Variants in TNK2 observed in about 807,000 individuals in gnomAD.
TNK2 encodes activated CDC42 kinase 1.
Under a neutral mutation model 101.8 loss-of-function variants are expected in TNK2, and 83 were observed. The observed-to-expected ratio is 0.82, with a 90% CI of 0.68 to 0.98. The LOEUF is 0.98. Ranked by LOEUF, TNK2 falls within the 50% of genes least tolerant of loss-of-function variation. The probability of loss-of-function intolerance (pLI) is 0.00; values close to 1 mark genes in which losing one functional copy is unlikely to be tolerated. For synonymous variants in TNK2, 804 were observed against 633.0 expected (o/e 1.27, Z -4.06); for missense variants, 1,665 against 1,483.2 (o/e 1.12, Z -2.01).
intron 1 of TNK2, among the ~76,000 whole-genome samples, chr3:195,903,083 A>G (rs916381475): frequency 2.7e-4 from 33 of 123,266 alleles, no homozygotes; most frequent in Non-Finnish European, 6.7e-5. Context: ...CTTTTGTGAC[A>G]GAGTCGGAAT....
In TNK2 at chr3:195,878,617, T is replaced by C. The variant is rs116164316; in HGVS notation, c.1015-25A>G. The stretch of plus-strand genomic sequence containing the variant: ...TCTGAAGGTGAGGAGGTGCAGAGTT[T>C]GACGACAAACAGAGCGCCCAGCCCT... On this transcript the variant is annotated intron_variant, in intron 7 of 15. Coordinates refer to ENST00000672887, the MANE Select transcript of TNK2 (RefSeq NM_001382273.1). The surrounding 1 kb of genome is among the most constrained non-coding windows in gnomAD (Gnocchi z 4.7). The C allele has an allele frequency of 5.0e-3, 7,990 of 1,604,800 alleles. 47 individuals carry two copies. The highest frequency in any genetic ancestry group is 0.01 in the South Asian group (912 of 90,906).
rs1026826869 is a variant in TNK2 at position 195,878,922 on chromosome 3, G to C, written c.1014+127C>G. The C allele has an allele frequency of 4.2e-6, 6 of 1,427,294 alleles. 1 individual carries two copies. The Admixed American group carries it at 5.5e-5, about 13-fold the overall frequency. The allele number at this position is 1,427,294 out of a possible 1,614,324, so 88.4% of individuals were successfully genotyped here. ...GGGCGTGGTGGGAGGCACGGGAAGT[G>C]GGGGGAGGCACGGGGCGTGGGAGGA... On this transcript the variant is annotated intron_variant, in intron 7 of 15. Coordinates refer to ENST00000672887, the MANE Select transcript of TNK2 (RefSeq NM_001382273.1). This position sits in a 1 kb window ranked among gnomAD's most constrained non-coding sequence, Gnocchi z 4.7.
At position 195,891,887 on chromosome 3, in the gene TNK2, C is replaced by T. The variant is rs1758623488; in HGVS notation, c.-18-3281G>A. ...GAAAGCACAGCCCGGCCTGTTCCCT[C>T]TCCCTGAAACACCAGCTAATGCACC... is the stretch of plus-strand genomic sequence containing the variant. On this transcript the variant is annotated intron_variant, in intron 1 of 15. Coordinates refer to ENST00000672887, the MANE Select transcript of TNK2 (RefSeq NM_001382273.1). The T allele has an allele frequency of 4.1e-6, 4 of 984,044 alleles. No individual in the cohort carries two copies. In the African/African-American group the frequency reaches 5.2e-5, roughly 13 times the overall value. The allele number at this position is 984,044 out of a possible 1,614,324, so 61.0% of individuals were successfully genotyped here.
intron 1 of TNK2, among the ~76,000 whole-genome samples, chr3:195,891,517 A>G (rs1577101350): frequency 6.6e-6 from 1 of 152,264 alleles, no homozygotes; most frequent in South Asian, 2.1e-4. Flanking sequence ...TTACAAAACA[A>G]GAGGCGTGGG....
intron 1 of TNK2, among the ~76,000 whole-genome samples, chr3:195,906,244 C>CA (rs1188476648): frequency 6.6e-6 from 1 of 152,130 alleles, no homozygotes; most frequent in African/African-American, 2.4e-5. Context: ...AATGTACAAC[C>CA]ACTTTGGAAA....
chr3:195,896,012 C>CCCGCAACG, intron 1 of TNK2: 1 of 395,596 alleles, frequency 2.5e-6, no homozygotes, highest in Non-Finnish European at 5.0e-6. Flanking sequence ...GCGCGCCACT[C>CCCGCAACG]CCGCAACGCC....
At chr3:195,896,954 A>AT (rs1273036892) in intron 1 of TNK2, among the ~76,000 whole-genome samples, 1 of 152,130 alleles carries the variant, frequency 6.6e-6, no homozygotes, top group Non-Finnish European at 1.5e-5. Context: ...GGCCAAGAGG[A>AT]TTTTTCCAAA....
At chr3:195,898,813 G>A (rs1252438986) in intron 1 of TNK2, among the ~76,000 whole-genome samples, 2 of 152,144 alleles carry the variant, frequency 1.3e-5, no homozygotes, top group African/African-American at 2.4e-5. Context: ...TAATGTCTGC[G>A]GCTGGGCCCG....
At chr3:195,879,198 A>G (rs776934405) in intron 6 of TNK2, 23 bp from the exon 7 acceptor site, 1 of 1,612,078 alleles carries the variant, frequency 6.2e-7, no homozygotes, top group South Asian at 1.1e-5. Flanking sequence ...GGGGTCAAAG[A>G]GAAGCCCTCT....
At chr3:195,892,399 C>T (rs1332438289) in intron 1 of TNK2, 1 of 1,527,254 alleles carries the variant, frequency 6.5e-7, no homozygotes, top group Admixed American at 2.0e-5. Flanking sequence ...CCAGCCCCTG[C>T]CCCCCACTCA....
At position 195,864,300 on chromosome 3, in the gene TNK2, G is replaced by A. The variant is rs77750212; in HGVS notation, c.3162-113C>T. The A allele has an allele frequency of 4.5e-3, 5,225 of 1,168,974 alleles. 16 individuals are homozygous for A. Among genetic ancestry groups the A allele is most frequent in the Non-Finnish European group, 4.8e-3 (3,851 of 796,120 alleles). 72.4% of individuals were successfully genotyped at this position (1,168,974 alleles called of 1,614,324 possible). A position where few individuals can be genotyped will look rare whatever the true frequency, so the allele number is the denominator to read the frequency against. The stretch of plus-strand genomic sequence containing the variant: ...ACACCACTGGAAGCTGGCAGTCCCC[G>A]GCAAGGACTGTAAAATTTATCATCC... On this transcript the variant is annotated intron_variant, in intron 15 of 15. Transcript: ENST00000672887.
chr3:195,879,423 T>C, intron 6 of TNK2: 2 of 413,728 alleles, frequency 4.8e-6, no homozygotes, highest in Non-Finnish European at 4.3e-6. Context: ...AAAGGAAGTT[T>C]CCCAGCCAGA....
In TNK2 at chr3:195,888,634, A is replaced by G; in HGVS notation, c.-18-28T>C. On this transcript the variant is annotated intron_variant, in intron 1 of 15. Transcript: ENST00000672887. This position sits in a 1 kb window ranked among gnomAD's most constrained non-coding sequence, Gnocchi z 5.3. ...GTGGGGGGAGGAGTGGCTCAGGGAC[A>G]AGGGTTGTGGGGGGACAACAGGGGC... 1 of 1,590,676 alleles carries G rather than the reference A, an allele frequency of 6.3e-7. No homozygotes were observed. Among genetic ancestry groups the G allele is most frequent in the Non-Finnish European group, 8.6e-7 (1 of 1,169,276 alleles).
At chr3:195,865,082 G>A (rs1182193538) in intron 15 of TNK2, among the ~76,000 whole-genome samples, 7 of 124,768 alleles carry the variant, frequency 5.6e-5, no homozygotes, top group Admixed American at 1.6e-4. Context: ...GAGTGCCTGC[G>A]TCCCAGGTGC....
intron 9 of TNK2, among the ~76,000 whole-genome samples, chr3:195,874,533 C>T (rs1747805376): frequency 6.7e-6 from 1 of 149,762 alleles, no homozygotes; most frequent in Non-Finnish European, 1.5e-5. Flanking sequence ...GCACAAGAAA[C>T]TCCCCCTCGG....
chr3:195,876,304 G>C (rs1749208818), intron 9 of TNK2: 1 of 416,256 alleles, frequency 2.4e-6, no homozygotes, highest in Non-Finnish European at 4.8e-6. Flanking sequence ...AGCTGCGGCA[G>C]GTGGCCTCCC....
At chr3:195,879,972 G>A (rs1316361350) in intron 6 of TNK2, among the ~76,000 whole-genome samples, 4 of 152,126 alleles carry the variant, frequency 2.6e-5, no homozygotes, top group Admixed American at 6.5e-5. Flanking sequence ...CCAGGACAAC[G>A]GGCATAATTT....
chr3:195,876,220 C>T (rs140597247), intron 9 of TNK2, among the ~76,000 whole-genome samples: 1 of 152,362 alleles, frequency 6.6e-6, no homozygotes, highest in African/African-American at 2.4e-5. Flanking sequence ...CTAGACACAG[C>T]ACGAAACATC....
At chr3:195,902,629 AC>A (rs1238521107) in intron 1 of TNK2, among the ~76,000 whole-genome samples, 4 of 137,648 alleles carry the variant, frequency 2.9e-5, no homozygotes, top group African/African-American at 9.1e-5. Flanking sequence ...AAAAAAAAAA[AC>A]AAAAAAAAAC....
Sources: allele counts gnomAD v4.1 joint callset (sites outside exome capture counted in the v4.1 genomes callset), GRCh38; gene constraint gnomAD v4.1.1; non-coding constraint Gnocchi (gnomAD v3.1); transcripts MANE v1.5; gene names NCBI Gene and HGNC (gene_info 2026-07-23, HGNC 2026-07-21).